The following ABCC1 variants were observed in gnomAD, a reference collection of about 807,000 sequenced individuals.
ABCC1 encodes the protein multidrug resistance-associated protein 1.
In ABCC1, 83 loss-of-function variants were observed where a neutral mutation model predicts 172.9. The observed-to-expected ratio is 0.48, with a 90% confidence interval of 0.40 to 0.58. The LOEUF (loss-of-function observed/expected upper bound fraction) is 0.58. Among genes scored for constraint, ABCC1 ranks in the 20% least tolerant of loss-of-function variants. The probability of loss-of-function intolerance (pLI) is 0.00; values close to 1 mark genes in which losing one functional copy is unlikely to be tolerated. For synonymous variants in ABCC1, 937 were observed against 825.2 expected (o/e 1.14, Z -2.32); for missense variants, 1,817 against 2,002.7 (o/e 0.91, Z 1.77).
intron 1 of ABCC1, among the ~76,000 whole-genome samples, chr16:15,974,833 C>T (rs2046447758): frequency 6.6e-6 from 1 of 152,200 alleles, no homozygotes; most frequent in Admixed American, 6.5e-5. Flanking sequence ...GTCGCCCAGG[C>T]TGGACTGCGG....
At chr16:16,129,921 G>A (rs921918996) in intron 26 of ABCC1, among the ~76,000 whole-genome samples, 6 of 152,228 alleles carry the variant, frequency 3.9e-5, no homozygotes, top group Non-Finnish European at 5.9e-5. Context: ...TGTGCCGTCT[G>A]CAGTGCCCCT....
intron 1 of ABCC1, among the ~76,000 whole-genome samples, chr16:15,977,548 G>A (rs2046522878): frequency 6.6e-6 from 1 of 151,814 alleles, no homozygotes; most frequent in Non-Finnish European, 1.5e-5. Context: ...TACCCCCTAA[G>A]CTTGTGACTA....
intron 4 of ABCC1, among the ~76,000 whole-genome samples, chr16:16,016,064 G>C (rs1332695072): frequency 6.6e-6 from 1 of 151,972 alleles, no homozygotes; most frequent in Non-Finnish European, 1.5e-5. Context: ...ATTACATCCC[G>C]GGGGGAGCTG....
At chr16:16,012,213 A>G (rs2151744923) in intron 3 of ABCC1, among the ~76,000 whole-genome samples, 1 of 152,310 alleles carries the variant, frequency 6.6e-6, no homozygotes, top group East Asian at 1.9e-4. Context: ...AAAGTGTGGT[A>G]CAGAGAGGAG....
chr16:16,063,137 C>T (rs1436585856), intron 12 of ABCC1, among the ~76,000 whole-genome samples: 6 of 152,078 alleles, frequency 3.9e-5, no homozygotes, highest in Admixed American at 6.6e-5. Flanking sequence ...GACGGAGTCT[C>T]ATTCTGCCGC....
At chr16:16,082,287 T>A (rs2050834366) in intron 16 of ABCC1, among the ~76,000 whole-genome samples, 1 of 152,190 alleles carries the variant, frequency 6.6e-6, no homozygotes, top group Non-Finnish European at 1.5e-5. Context: ...GGTTCTTGTC[T>A]AAACATATGT....
chr16:16,088,124 CGTGTGTGTGTGTGTGTGT>C (rs60633005), intron 18 of ABCC1, among the ~76,000 whole-genome samples: 2 of 126,722 alleles, frequency 1.6e-5, no homozygotes, highest in Non-Finnish European at 3.8e-5. Flanking sequence ...TGTGTGTATG[CGTGTGTGTGTGTGTGTGT>C]GTGTGTGTGC....
chr16:16,005,069 C>CTT (rs36027088), intron 1 of ABCC1, among the ~76,000 whole-genome samples: 58,458 of 134,222 alleles, frequency 0.44, 14,550 homozygotes, highest in Non-Finnish European at 0.57. Flanking sequence ...TCATTTTTAA[C>CTT]TTTTTTTTTT....
chr16:16,033,139 C>G lies in ABCC1; in HGVS notation c.646C>G (p.Leu216Val), dbSNP rs202023534. Residue 216 changes from leucine to valine, a missense_variant, in exon 6 of 31, where the codon CTG (leucine) becomes GTG (valine). Coordinates refer to ENST00000399410, the MANE Select transcript of ABCC1 (RefSeq NM_004996.4). ...CTGCCCAGAGTCCAGCGCTTCCTTCCTGTCGAGGATCACCTTCTGGTGGAT... is the reference window on the plus strand; with the variant it reads ...CTGCCCAGAGTCCAGCGCTTCCTTCGTGTCGAGGATCACCTTCTGGTGGAT... The part of the protein sequence containing the change: ...NPCPESSASF[L>V]SRITFWWITG... The G allele has an allele frequency of 2.2e-4, 351 of 1,614,078 alleles. No homozygotes were observed. The highest frequency in any genetic ancestry group is 2.8e-4 in the Non-Finnish European group (336 of 1,180,048).
chr16:15,951,139 A>G (rs961900387), intron 1 of ABCC1, among the ~76,000 whole-genome samples: 3 of 152,192 alleles, frequency 2.0e-5, no homozygotes, highest in African/African-American at 4.8e-5. Flanking sequence ...TGCCAGGTGT[A>G]GTAACAGCAA....
At chr16:15,953,968 T>C (rs2384937) in intron 1 of ABCC1, among the ~76,000 whole-genome samples, 19,015 of 150,656 alleles carry the variant, frequency 0.13, 1,237 homozygotes, top group Middle Eastern at 0.17. Flanking sequence ...ATCCATCCCT[T>C]AGCCTTCTCC....
intron 1 of ABCC1, among the ~76,000 whole-genome samples, chr16:15,970,328 T>C (rs2046337012): frequency 6.6e-6 from 1 of 151,930 alleles, no homozygotes; most frequent in African/African-American, 2.4e-5. Flanking sequence ...AACCTGGAGG[T>C]TGCCTACGTC....
intron 5 of ABCC1, among the ~76,000 whole-genome samples, chr16:16,028,054 C>G (rs191118965): frequency 1.1e-4 from 16 of 152,124 alleles, no homozygotes; most frequent in African/African-American, 3.4e-4. Flanking sequence ...CAGCTAGCCC[C>G]GTGCTATGCA....
intron 27 of ABCC1, 71 bp downstream of exon 27, chr16:16,132,006 T>C: frequency 6.4e-7 from 1 of 1,554,788 alleles, no homozygotes; most frequent in Non-Finnish European, 8.8e-7. Context: ...CAGGTGAACC[T>C]AGCTGCAGCG....
At chr16:15,999,766 T>TC (rs2047185668) in intron 1 of ABCC1, among the ~76,000 whole-genome samples, 1 of 95,282 alleles carries the variant, frequency 1.0e-5, no homozygotes, top group African/African-American at 3.4e-5. Flanking sequence ...GTGCCCGGCC[T>TC]CTTTCTCTCT....
intron 20 of ABCC1, among the ~76,000 whole-genome samples, chr16:16,103,804 T>C (rs1013485267): frequency 5.9e-5 from 9 of 152,128 alleles, no homozygotes; most frequent in African/African-American, 1.7e-4. Context: ...ATGGTTATCA[T>C]CCGGACATGG....
chr16:16,071,662 C>G lies in ABCC1; in HGVS notation c.1845C>G (p.Arg615=). 1 of 1,614,062 alleles carries G rather than the reference C, an allele frequency of 6.2e-7. No homozygotes were observed. ...SIVQASVSLK[R]LRIFLSHEEL... is the part of the protein sequence containing the mutation. Reference sequence around the variant, plus strand: ...TACAGGCGAGTGTCTCCCTCAAACGCCTGAGGATCTTTCTCTCCCATGAGG... The same window carrying G: ...TACAGGCGAGTGTCTCCCTCAAACGGCTGAGGATCTTTCTCTCCCATGAGG... The change falls in exon 14 of 31, where the codon CGC becomes CGG. Residue 615 remains arginine (R), a synonymous_variant. Transcript: ENST00000399410.
chr16:15,986,722 G>T (rs1169290998), intron 1 of ABCC1, among the ~76,000 whole-genome samples: 1 of 152,170 alleles, frequency 6.6e-6, no homozygotes, highest in Admixed American at 6.5e-5. Context: ...AGTCCCTTTT[G>T]CCATGAAAGG....
intron 25 of ABCC1, 32 bp from the exon 26 acceptor site, chr16:16,125,778 C>A (rs755345036): frequency 1.4e-5 from 22 of 1,536,784 alleles, no homozygotes; most frequent in South Asian, 2.3e-5. Flanking sequence ...CCCGCTTACT[C>A]TAGAAATGCC....
Sources: allele counts gnomAD v4.1 joint callset (sites outside exome capture counted in the v4.1 genomes callset), GRCh38; gene constraint gnomAD v4.1.1; transcripts MANE v1.5; gene names NCBI Gene and HGNC (gene_info 2026-07-23, HGNC 2026-07-21).